UBAC2: variants seen among roughly 807,000 people sequenced by gnomAD.
The protein encoded by UBAC2 is UBA domain containing 2.
In UBAC2, 26 loss-of-function variants were observed where a neutral mutation model predicts 44.0. The observed-to-expected ratio is 0.59, with a 90% confidence interval of 0.43 to 0.82. UBAC2 has a LOEUF of 0.82. Ranked by LOEUF, UBAC2 falls within the 40% of genes least tolerant of loss-of-function variation. The probability of loss-of-function intolerance (pLI) is 0.00; values close to 1 mark genes in which losing one functional copy is unlikely to be tolerated. For missense variants in UBAC2, 329 were observed against 419.4 expected (o/e 0.78, Z 1.88); for synonymous variants, 155 against 154.3 (o/e 1.00, Z -0.04).
intron 6 of UBAC2, among the ~76,000 whole-genome samples, chr13:99,331,720 T>C (rs1161996382): frequency 6.6e-6 from 1 of 152,220 alleles, no homozygotes; most frequent in African/African-American, 2.4e-5. Flanking sequence ...ACTTTGGGAA[T>C]CCCTAATTTG....
Position 99,340,397 on chromosome 13 carries a change from C to A in UBAC2, c.639C>A (p.Phe213Leu), listed in dbSNP as rs781765000. The A allele has an allele frequency of 8.7e-6, 14 of 1,614,062 alleles. No individual in the cohort carries two copies. In the African/African-American group the frequency reaches 1.1e-4, roughly 12 times the overall value. ...GCATCCCCAGCTGGATGGCAAAATT[C>A]TTTTCTTGGACACTTGAACCCATCT... Reference protein sequence around the residue: ...VLCIPSWMAKFFSWTLEPIFS... With the variant: ...VLCIPSWMAKLFSWTLEPIFS... Residue 213 changes from phenylalanine to leucine, a missense_variant, in exon 7 of 9, where the codon TTC (phenylalanine) becomes TTA (leucine). Physicochemically the swap from Phe to Leu is conservative, Grantham distance 22 (BLOSUM62 0). Coordinates refer to ENST00000403766, the MANE Select transcript of UBAC2 (RefSeq NM_001144072.2).
At chr13:99,340,100 A>T (rs551262495) in intron 6 of UBAC2, among the ~76,000 whole-genome samples, 1 of 152,228 alleles carries the variant, frequency 6.6e-6, no homozygotes, top group Non-Finnish European at 1.5e-5. Context: ...AGCTCTTCTA[A>T]TTCAATAAAA....
intron 6 of UBAC2, among the ~76,000 whole-genome samples, chr13:99,335,289 C>T (rs753550102): frequency 2.6e-5 from 4 of 152,028 alleles, no homozygotes; most frequent in Non-Finnish European, 5.9e-5. Flanking sequence ...TCTGCTGAAT[C>T]AGCGTAATGC....
chr13:99,213,060 T>C (rs942181525), intron 1 of UBAC2, among the ~76,000 whole-genome samples: 2 of 152,238 alleles, frequency 1.3e-5, no homozygotes, highest in Admixed American at 1.3e-4. Flanking sequence ...GTGTACCTGC[T>C]TATCTATGCA....
intron 4 of UBAC2, among the ~76,000 whole-genome samples, chr13:99,287,150 C>G (rs962610852): frequency 3.3e-5 from 5 of 152,160 alleles, no homozygotes; most frequent in African/African-American, 1.2e-4. Context: ...TAATGGGACA[C>G]TGGTTTCCAT....
chr13:99,344,028 G>A (rs1345828036), intron 7 of UBAC2, among the ~76,000 whole-genome samples: 1 of 152,188 alleles, frequency 6.6e-6, no homozygotes, highest in Non-Finnish European at 1.5e-5. Flanking sequence ...ATGGAGCTTA[G>A]GTCCTGTCTC....
intron 1 of UBAC2, chr13:99,201,331 G>T (rs1041256559): frequency 2.0e-6 from 3 of 1,521,334 alleles, no homozygotes; most frequent in East Asian, 2.4e-5. Flanking sequence ...TTTTAGGCTT[G>T]GGGGACCGAA....
At chr13:99,377,758 T>C (rs750457740) in intron 8 of UBAC2, 2 of 152,228 alleles carry the variant, frequency 1.3e-5, no homozygotes, top group African/African-American at 2.4e-5. Context: ...CATAGGAGAA[T>C]AGTGGTCCTG....
chr13:99,227,700 T>G (rs1394479906), intron 1 of UBAC2, among the ~76,000 whole-genome samples: 1 of 152,212 alleles, frequency 6.6e-6, no homozygotes, highest in East Asian at 1.9e-4. Context: ...CTGTCTACAC[T>G]CCAAACCACA....
At position 99,372,896 on chromosome 13, in the gene UBAC2, C is replaced by T. The variant is rs143908754; in HGVS notation, c.927+4990C>T. ...TTGGGAGGCTGAGGCGGACGGATCA[C>T]GAGGTCAGGAGATCGAGACCATCCC... On this transcript the variant is annotated intron_variant, in intron 8 of 8. Transcript: ENST00000403766. Among the ~76,000 whole-genome samples the T allele has an allele frequency of 1.1e-4, 17 of 152,216 alleles. No individual in the cohort carries two copies. In the East Asian group the frequency reaches 2.5e-3, roughly 22 times the overall value.
At chr13:99,348,327 G>A (rs2045023985) in intron 7 of UBAC2, among the ~76,000 whole-genome samples, 1 of 152,202 alleles carries the variant, frequency 6.6e-6, no homozygotes, top group African/African-American at 2.4e-5. Flanking sequence ...AGGAGTCTGT[G>A]CAAAGAGAAG....
intron 4 of UBAC2, among the ~76,000 whole-genome samples, chr13:99,304,159 T>G (rs1050327313): frequency 9.9e-5 from 15 of 152,268 alleles, no homozygotes; most frequent in Middle Eastern, 3.4e-3. Flanking sequence ...CTGGTCAGCT[T>G]CCCCTGATCG....
At chr13:99,292,718 G>GT (rs34731765) in intron 4 of UBAC2, among the ~76,000 whole-genome samples, 25,914 of 147,964 alleles carry the variant, frequency 0.18, 2,568 homozygotes, top group East Asian at 0.32. Flanking sequence ...AGCTTTGAGG[G>GT]TTTTTTTTTT....
intron 1 of UBAC2, among the ~76,000 whole-genome samples, chr13:99,233,343 C>T (rs1203026848): frequency 6.6e-6 from 1 of 152,118 alleles, no homozygotes; most frequent in Admixed American, 6.5e-5. Context: ...GAACTCCTGA[C>T]CTCATGATCT....
chr13:99,327,517 G>T, intron 6 of UBAC2, among the ~76,000 whole-genome samples: 1 of 151,936 alleles, frequency 6.6e-6, no homozygotes, highest in Non-Finnish European at 1.5e-5. Flanking sequence ...AGTGTCCAGT[G>T]TTTGTCTTCG....
chr13:99,240,696 C>T (rs902901714), intron 2 of UBAC2, among the ~76,000 whole-genome samples: 1 of 152,106 alleles, frequency 6.6e-6, no homozygotes, highest in Admixed American at 6.5e-5. Flanking sequence ...AGTGTGACTC[C>T]GGTACTGTTT....
rs375526452 is a variant in UBAC2 at position 99,277,323 on chromosome 13, C to T, written c.389+32699C>T. 4.0e-3 allele frequency among the ~76,000 whole-genome samples: 614 copies of T among 152,016 alleles called. 6 individuals carry two copies. The highest frequency in any genetic ancestry group is 0.011 in the South Asian group (51 of 4,800). On this transcript the variant is annotated intron_variant, in intron 4 of 8. Transcript: ENST00000403766. ...GGTAGATCACCTGAGGTCAGGAGTT[C>T]GAGACCAGCCTAACCAACATGGAGA...
At position 99,324,466 on chromosome 13, in the gene UBAC2, A is replaced by G. The variant is rs568092822; in HGVS notation, c.561+6397A>G. 3.9e-5 allele frequency among the ~76,000 whole-genome samples: 6 copies of G among 152,374 alleles called. No homozygotes were observed. In the South Asian group the frequency reaches 1.2e-3, roughly 32 times the overall value. On this transcript the variant is annotated intron_variant, in intron 6 of 8. Transcript: ENST00000403766. ...CTCAGACTCCAGAATGAAGAAGTCA[A>G]ATGGAGCAGGGCTGTACCAACATGT... is the stretch of plus-strand genomic sequence containing the variant.
intron 1 of UBAC2, among the ~76,000 whole-genome samples, chr13:99,233,451 A>C (rs2043198780): frequency 6.6e-6 from 1 of 152,120 alleles, no homozygotes; most frequent in African/African-American, 2.4e-5. Flanking sequence ...ACATTCCCTA[A>C]CAGGGATCCT....
Sources: gnomAD v4.1 joint callset for allele counts (sites outside exome capture counted in the v4.1 genomes callset) on GRCh38, gnomAD v4.1.1 for gene constraint, MANE v1.5 for transcripts, NCBI Gene and HGNC (gene_info 2026-07-23, HGNC 2026-07-21) for gene names.